Variants in PPP4R2 observed in about 807,000 individuals in gnomAD.
PPP4R2 encodes the protein protein phosphatase 4 regulatory subunit 2.
Under a neutral mutation model 47.2 loss-of-function variants are expected in PPP4R2, and 13 were observed. The observed-to-expected ratio is 0.28, with a 90% CI of 0.18 to 0.44. PPP4R2 has a LOEUF of 0.44. Ranked by LOEUF, PPP4R2 falls within the 20% of genes least tolerant of loss-of-function variation. The probability of loss-of-function intolerance (pLI) is 1.00; values close to 1 mark genes in which losing one functional copy is unlikely to be tolerated. For synonymous variants in PPP4R2, 151 were observed against 163.3 expected (o/e 0.92, Z 0.57); for missense variants, 421 against 491.2 (o/e 0.86, Z 1.35).
Position 73,065,045 on chromosome 3 carries a change from G to A in PPP4R2, c.832G>A (p.Ala278Thr), listed in dbSNP as rs535214830. ...TTCAGTTATGGTAGGAGAAACAGAA[G>A]CATCATCTTCATCTCAGGATAAAGA... ...ISSVMVGETE[A>T]SSSSQDKDKD... is the part of the protein sequence containing the mutation. Residue 278 changes from alanine (A) to threonine (T), a missense_variant, in exon 8 of 9, where the codon GCA becomes ACA. Physicochemically the swap from Ala to Thr is moderately conservative, Grantham distance 58 (BLOSUM62 0). Around this residue, in one of 2 missense-constraint regions of PPP4R2, gnomAD observed 317 missense variants for 287.5 expected, o/e 1.10. Coordinates refer to ENST00000356692, the MANE Select transcript of PPP4R2 (RefSeq NM_174907.4). The A allele has an allele frequency of 3.1e-6, 5 of 1,613,958 alleles. No individual in the cohort carries two copies. Among genetic ancestry groups the A allele is most frequent in the African/African-American group, 1.3e-5 (1 of 75,026 alleles).
At position 73,065,891 on chromosome 3, in the gene PPP4R2, T is replaced by C; in HGVS notation, c.*169T>C. 2.2e-6 allele frequency: 1 copy of C among 459,208 alleles called. No homozygotes were observed. The highest frequency in any genetic ancestry group is 3.8e-6 in the Non-Finnish European group (1 of 261,068). 28.4% of individuals were successfully genotyped at this position (459,208 alleles called of 1,614,324 possible). A position where few individuals can be genotyped will look rare whatever the true frequency, so the allele number is the denominator to read the frequency against. The stretch of plus-strand genomic sequence containing the variant: ...GAGTTGTACATGTAAGAACTGTGAA[T>C]ATCAGCTCCTCTGGGTCCTGCTTAC... On this transcript the variant is annotated 3_prime_UTR_variant, in exon 9 of 9. Transcript: ENST00000356692.
At position 73,006,387 on chromosome 3, in the gene PPP4R2, C is replaced by T. The variant is rs139016168; in HGVS notation, c.116+8229C>T. On this transcript the variant is annotated intron_variant, in intron 2 of 8. Coordinates refer to ENST00000356692, the MANE Select transcript of PPP4R2 (RefSeq NM_174907.4). ...CTAGTTTTTGTATTTTTAGTAGAGA[C>T]GGGGTTTTACCACATGGGCCAGGCT... is the stretch of plus-strand genomic sequence containing the variant. 5.1e-3 allele frequency among the ~76,000 whole-genome samples: 782 copies of T among 151,846 alleles called. 7 individuals are homozygous for T. Among genetic ancestry groups the T allele is most frequent in the African/African-American group, 0.018 (752 of 41,392 alleles).
intron 2 of PPP4R2, among the ~76,000 whole-genome samples, chr3:73,040,615 C>G (rs1559560052): frequency 6.7e-6 from 1 of 150,044 alleles, no homozygotes; most frequent in Non-Finnish European, 1.5e-5. Flanking sequence ...AGCGATTCTT[C>G]TGTCTCAGCC....
chr3:73,065,536 A>G lies in PPP4R2; in HGVS notation c.1068A>G (p.Lys356=), dbSNP rs760614943. Residue 356 remains lysine (K), a synonymous_variant, in exon 9 of 9, where the codon AAA becomes AAG. Transcript: ENST00000356692. ...AATCTGATGTGTCTCAAGCTGAGAA[A>G]GATTTGCTACATTCTGAAGGTAGTG... ...MEESDVSQAE[K]DLLHSEGSEN... is the part of the protein sequence containing the mutation. 3.7e-6 allele frequency: 6 copies of G among 1,612,434 alleles called. No individual in the cohort carries two copies. The highest frequency in any genetic ancestry group is 2.2e-5 in the South Asian group (2 of 91,014).
intron 2 of PPP4R2, among the ~76,000 whole-genome samples, chr3:73,040,299 G>A (rs1702350983): frequency 6.6e-6 from 1 of 152,122 alleles, no homozygotes; most frequent in Non-Finnish European, 1.5e-5. Flanking sequence ...ACACTACAAA[G>A]TATGGTACAT....
chr3:73,049,102 A>C (rs1258844802), intron 3 of PPP4R2, among the ~76,000 whole-genome samples: 1 of 152,248 alleles, frequency 6.6e-6, no homozygotes, highest in African/African-American at 2.4e-5. Flanking sequence ...AAAGGAAAAA[A>C]AACATTTTAA....
intron 2 of PPP4R2, among the ~76,000 whole-genome samples, chr3:73,018,610 T>A (rs1701898723): frequency 6.6e-6 from 1 of 152,040 alleles, no homozygotes; most frequent in African/African-American, 2.4e-5. Context: ...AATTTTTTCT[T>A]CACCTAGGTT....
chr3:73,063,449 C>T (rs1018548467), intron 5 of PPP4R2: 4 of 405,230 alleles, frequency 9.9e-6, no homozygotes, highest in African/African-American at 2.1e-5. Flanking sequence ...CATGGCAAAA[C>T]CCCGTCTCTA....
intron 2 of PPP4R2, among the ~76,000 whole-genome samples, chr3:73,019,674 C>T (rs1295095093): frequency 6.6e-6 from 1 of 152,032 alleles, no homozygotes; most frequent in Non-Finnish European, 1.5e-5. Context: ...ATGCCCGGCC[C>T]CTAGAAGCTA....
chr3:73,045,766 A>T (rs1026952775), intron 2 of PPP4R2, among the ~76,000 whole-genome samples: 3 of 152,020 alleles, frequency 2.0e-5, no homozygotes, highest in Admixed American at 1.3e-4. Context: ...ACCTCAGGTG[A>T]TCCGCCTGCT....
At chr3:73,045,414 TTGC>T (rs1184292278) in intron 2 of PPP4R2, among the ~76,000 whole-genome samples, 6 of 152,326 alleles carry the variant, frequency 3.9e-5, no homozygotes, top group Admixed American at 3.3e-4. Flanking sequence ...TTTTAGTTTT[TTGC>T]TTAGAAGTTC....
chr3:73,010,990 TAGAA>T (rs1270419213), intron 2 of PPP4R2, among the ~76,000 whole-genome samples: 81 of 150,526 alleles, frequency 5.4e-4, no homozygotes, highest in Non-Finnish European at 6.8e-4. Context: ...TGTTGAGTCT[TAGAA>T]GGCTTAAATA....
chr3:73,063,955 A>T, intron 6 of PPP4R2, 48 bp from the exon 7 acceptor site: 10 of 1,513,896 alleles, frequency 6.6e-6, no homozygotes, highest in South Asian at 1.2e-5. Context: ...CTTAAGAGGG[A>T]TGACTTTTTA....
In PPP4R2 at chr3:73,005,833, C is replaced by CAAAAA. The variant is rs71623999; in HGVS notation, c.116+7684_116+7688dup. Among the ~76,000 whole-genome samples, 6 of 121,810 alleles carry CAAAAA rather than the reference C, an allele frequency of 4.9e-5. No individual in the cohort carries two copies. The East Asian group carries it at 6.8e-4, about 14-fold the overall frequency. 79.9% of individuals were successfully genotyped at this position (121,810 alleles called of 152,430 possible). On this transcript the variant is annotated intron_variant, in intron 2 of 8. Transcript: ENST00000356692. ...GGCAACAAGAGTGAAACTCTGTCTG[C>CAAAAA]AAAAAAAAAAAAATCAGTGTTATTG...
chr3:73,033,027 G>A lies in PPP4R2; in HGVS notation c.117-14159G>A, dbSNP rs77228961. ...GAAAATGGAAATTCTACCATCTTAC[G>A]GTGGGAGACCCATTTTTATCATCCT... On this transcript the variant is annotated intron_variant, in intron 2 of 8. Transcript: ENST00000356692. 8.1e-3 allele frequency among the ~76,000 whole-genome samples: 1,226 copies of A among 152,138 alleles called. 7 individuals are homozygous for A. The highest frequency in any genetic ancestry group is 0.018 in the African/African-American group (766 of 41,492).
intron 3 of PPP4R2, among the ~76,000 whole-genome samples, chr3:73,056,698 C>T (rs1702738124): frequency 6.6e-6 from 1 of 152,094 alleles, no homozygotes; most frequent in Admixed American, 6.6e-5. Flanking sequence ...GCTATGTAAA[C>T]ACATACCCCC....
At chr3:73,010,099 C>G (rs568095067) in intron 2 of PPP4R2, among the ~76,000 whole-genome samples, 3 of 152,162 alleles carry the variant, frequency 2.0e-5, no homozygotes, top group Non-Finnish European at 4.4e-5. Flanking sequence ...TAATTCAAGT[C>G]TCAAATTAGT....
chr3:73,040,044 C>T (rs1323201221), intron 2 of PPP4R2, among the ~76,000 whole-genome samples: 1 of 152,108 alleles, frequency 6.6e-6, no homozygotes, highest in East Asian at 1.9e-4. Flanking sequence ...AAGAGTGAAA[C>T]TCTGTCTCCA....
intron 2 of PPP4R2, among the ~76,000 whole-genome samples, chr3:73,006,138 A>G (rs1701605012): frequency 6.7e-6 from 1 of 149,580 alleles, no homozygotes; most frequent in African/African-American, 2.5e-5. Context: ...TATTCAACAT[A>G]GTTTGTATTT....
Sources: gnomAD v4.1 joint callset for allele counts (sites outside exome capture counted in the v4.1 genomes callset) on GRCh38, gnomAD v4.1.1 for gene constraint, gnomAD v4.1.1 regional missense constraint, MANE v1.5 for transcripts, NCBI Gene and HGNC (gene_info 2026-07-23, HGNC 2026-07-21) for gene names.